Variants in BRF1 observed in about 807,000 individuals in gnomAD.
The protein encoded by BRF1 is BRF1 general transcription factor IIIB subunit.
A neutral mutation model predicts 81.7 loss-of-function variants in BRF1; 59 were observed. The observed-to-expected ratio is 0.72, with a 90% CI of 0.59 to 0.90. The LOEUF (loss-of-function observed/expected upper bound fraction) is 0.90, where lower values mean the gene tolerates loss of function less well. BRF1 is among the 40% of genes least tolerant of loss of function. BRF1 has a pLI of 0.00. For missense variants in BRF1, 1,050 were observed against 936.3 expected (o/e 1.12, Z -1.58); for synonymous variants, 491 against 395.6 (o/e 1.24, Z -2.86).
At chr14:105,227,495 A>ACTCAGG (rs1893312490) in intron 7 of BRF1, 1 of 152,390 alleles carries the variant, frequency 6.6e-6, no homozygotes, top group South Asian at 2.1e-4. Context: ...GGGGCCTGGC[A>ACTCAGG]CTCAGGCCTT....
intron 2 of BRF1, among the ~76,000 whole-genome samples, chr14:105,275,330 A>T (rs972372969): frequency 1.3e-5 from 2 of 152,228 alleles, no homozygotes; most frequent in Non-Finnish European, 2.9e-5. Flanking sequence ...CCTAGAGCTC[A>T]TACAGCTCTG....
At chr14:105,226,586 C>A in intron 8 of BRF1, 48 bp downstream of exon 8, 1 of 1,609,862 alleles carries the variant, frequency 6.2e-7, no homozygotes. Flanking sequence ...GTGGCTTCCC[C>A]CCAAGGCTGG....
chr14:105,209,445 A>T lies in BRF1; in HGVS notation c.*1106T>A, dbSNP rs1889831083. 3 of 696,698 alleles carry T rather than the reference A, an allele frequency of 4.3e-6. No individual in the cohort carries two copies. The highest frequency in any genetic ancestry group is 7.8e-6 in the Non-Finnish European group (3 of 382,758). 43.2% of individuals were successfully genotyped at this position (696,698 alleles called of 1,614,324 possible). On this transcript the variant is annotated 3_prime_UTR_variant, in exon 18 of 18. Transcript: ENST00000547530. The stretch of plus-strand genomic sequence containing the variant: ...CAAGTTGGGGCAGGACATACAGCCC[A>T]TTCCATGGGGAGGATGAGGCCCCTG...
At chr14:105,219,974 G>A (rs1892015828) in intron 12 of BRF1, 95 bp downstream of exon 12, 1 of 1,422,470 alleles carries the variant, frequency 7.0e-7, no homozygotes, top group Non-Finnish European at 9.7e-7. Context: ...CTCTGGGCAG[G>A]GGAGGTGGCC....
At chr14:105,219,378 G>T in intron 12 of BRF1, 146 bp from the exon 13 acceptor site, 1 of 1,468,724 alleles carries the variant, frequency 6.8e-7, no homozygotes, top group Non-Finnish European at 9.0e-7. Flanking sequence ...CCTGGGCTGA[G>T]GCCTCATCGC....
In BRF1 at chr14:105,228,752, C is replaced by G; in HGVS notation, c.788+68G>C. On this transcript the variant is annotated intron_variant, in intron 7 of 17. Coordinates refer to ENST00000547530, the MANE Select transcript of BRF1 (RefSeq NM_001519.4). ...TCCCGGGAGGTGGCGCCTGCTCTGG[C>G]AAGCAGGCCTGAGCTGGACTGATGA... 11 of 1,558,572 alleles carry G rather than the reference C, an allele frequency of 7.1e-6. No individual in the cohort carries two copies. In the Middle Eastern group the frequency reaches 1.5e-3, roughly 215 times the overall value.
chr14:105,250,796 A>T, intron 5 of BRF1: 1 of 1,042,450 alleles, frequency 9.6e-7, no homozygotes, highest in African/African-American at 1.6e-5. Context: ...AGTCAGCTGA[A>T]GCTTGACTGT....
intron 1 of BRF1, among the ~76,000 whole-genome samples, chr14:105,294,945 G>C (rs1477655279): frequency 2.0e-5 from 3 of 152,182 alleles, no homozygotes; most frequent in Admixed American, 6.5e-5. Flanking sequence ...CCACAGTGCA[G>C]AATCTTCTGA....
chr14:105,265,054 G>GTT (rs587673120), intron 3 of BRF1, among the ~76,000 whole-genome samples: 3,866 of 129,920 alleles, frequency 0.03, 209 homozygotes, highest in African/African-American at 0.065. Context: ...CCTTTTTTTT[G>GTT]TTTTTTTTTT....
chr14:105,248,261 G>A (rs1345963376), intron 5 of BRF1: 24 of 985,324 alleles, frequency 2.4e-5, no homozygotes, highest in East Asian at 1.1e-4. Flanking sequence ...GCGGCCAGAG[G>A]CAGACTCCGG....
chr14:105,274,144 G>A (rs1328909362), intron 2 of BRF1, among the ~76,000 whole-genome samples: 1 of 152,180 alleles, frequency 6.6e-6, no homozygotes, highest in Admixed American at 6.5e-5. Flanking sequence ...ACATAAATCT[G>A]GCCTATGTGC....
chr14:105,265,048 T>A (rs1258883518), intron 3 of BRF1, among the ~76,000 whole-genome samples: 1 of 139,466 alleles, frequency 7.2e-6, no homozygotes, highest in African/African-American at 2.6e-5. Flanking sequence ...ACTTATCCTT[T>A]TTTTTGTTTT....
chr14:105,294,908 G>A (rs80353195), intron 1 of BRF1, among the ~76,000 whole-genome samples: 2,277 of 152,244 alleles, frequency 0.015, 48 homozygotes, highest in African/African-American at 0.053. Context: ...AATATAACTA[G>A]AACCTCAGTG....
rs920231836 is a variant in BRF1 at position 105,281,615 on chromosome 14, G to A, written c.265+4681C>T. Reference sequence around the variant, plus strand: ...GATGTGGGGCGGCTGACTGCAGCTCGTGCACCACAGTGGAGGGGGGCACTG... The same window carrying A: ...GATGTGGGGCGGCTGACTGCAGCTCATGCACCACAGTGGAGGGGGGCACTG... On this transcript the variant is annotated intron_variant, in intron 2 of 17. Transcript: ENST00000547530. Among the ~76,000 whole-genome samples, 9 of 152,222 alleles carry A rather than the reference G, an allele frequency of 5.9e-5. No homozygotes were observed. In the South Asian group the frequency reaches 1.5e-3, roughly 25 times the overall value.
chr14:105,249,781 C>T (rs2055476702), intron 5 of BRF1: 2 of 1,613,846 alleles, frequency 1.2e-6, no homozygotes, highest in Non-Finnish European at 1.7e-6. Context: ...AGAACGCCTG[C>T]GTCCTGCTGT....
chr14:105,272,992 G>A, intron 2 of BRF1, 98 bp from the exon 3 acceptor site: 2 of 1,336,120 alleles, frequency 1.5e-6, no homozygotes, highest in East Asian at 2.6e-5. Context: ...ATAGATTTGT[G>A]CTTTTCCTTG....
chr14:105,242,910 G>A (rs1236724052), intron 5 of BRF1, among the ~76,000 whole-genome samples: 1 of 152,004 alleles, frequency 6.6e-6, no homozygotes, highest in East Asian at 1.9e-4. Flanking sequence ...GAGCTCAGGA[G>A]ATCGAGACCA....
In BRF1 at chr14:105,209,655, G is replaced by C. The variant is rs776248945; in HGVS notation, c.*896C>G. On this transcript the variant is annotated 3_prime_UTR_variant, in exon 18 of 18. Coordinates refer to ENST00000547530, the MANE Select transcript of BRF1 (RefSeq NM_001519.4). ...TCCGTCTGCCCTCCCTCCTCGATGG[G>C]GGGCCTGATCCAGCTCTGACAGGGA... 2 of 683,294 alleles carry C rather than the reference G, an allele frequency of 2.9e-6. No individual in the cohort carries two copies. The highest frequency in any genetic ancestry group is 1.5e-5 in the South Asian group (1 of 65,194). The allele number at this position is 683,294 out of a possible 1,614,324, so 42.3% of individuals were successfully genotyped here.
In BRF1 at chr14:105,229,214, C is replaced by T. The variant is rs118075898; in HGVS notation, c.695-301G>A. On this transcript the variant is annotated intron_variant, in intron 6 of 17. Transcript: ENST00000547530. ...ACAAACTAACTCTAAGATGACTGTG[C>T]GGGAAACACAGCTTGTGATGGGAGC... 6.6e-3 allele frequency among the ~76,000 whole-genome samples: 1,011 copies of T among 152,302 alleles called. 6 individuals are homozygous for T. The highest frequency in any genetic ancestry group is 0.01 in the Middle Eastern group (3 of 294).
Sources: gnomAD v4.1 joint callset for allele counts (sites outside exome capture counted in the v4.1 genomes callset) on GRCh38, gnomAD v4.1.1 for gene constraint, MANE v1.5 for transcripts, NCBI Gene and HGNC (gene_info 2026-07-23, HGNC 2026-07-21) for gene names.